The following CUX1 variants were observed in gnomAD, a reference collection of about 807,000 sequenced individuals.
The protein encoded by CUX1 is protein CASP.
In CUX1, 31 loss-of-function variants were observed where a neutral mutation model predicts 158.8. The ratio of observed to expected loss-of-function variants is 0.20; its 90% CI spans 0.15 to 0.26. CUX1 has a LOEUF of 0.26. Among genes scored for constraint, CUX1 ranks in the 10% least tolerant of loss-of-function variants. The pLI, the probability that CUX1 is intolerant of heterozygous loss-of-function variation, is 1.00. For missense variants in CUX1, 1,589 were observed against 2,014.6 expected, an observed-to-expected ratio of 0.79 and a Z score of 4.04; for synonymous variants, 879 against 862.1, an observed-to-expected ratio of 1.02 and a Z score of -0.34.
intron 8 of CUX1, among the ~76,000 whole-genome samples, chr7:102,146,612 T>C (rs1163295012): frequency 2.6e-5 from 4 of 152,176 alleles, no homozygotes; most frequent in Non-Finnish European, 1.5e-5. Flanking sequence ...TTCTTTCTTT[T>C]TTTTAAACAG....
intron 1 of CUX1, among the ~76,000 whole-genome samples, chr7:101,874,268 C>A (rs1798882915): frequency 6.6e-6 from 1 of 152,188 alleles, no homozygotes; most frequent in African/African-American, 2.4e-5. Context: ...ATATCCTGTG[C>A]TTCCTTGGTG....
chr7:101,981,326 T>G (rs566918807), intron 2 of CUX1, among the ~76,000 whole-genome samples: 1 of 152,318 alleles, frequency 6.6e-6, no homozygotes, highest in South Asian at 2.1e-4. Context: ...TTGCCTGAAT[T>G]CAAAAACATG....
intron 8 of CUX1, among the ~76,000 whole-genome samples, chr7:102,149,051 T>C (rs377608717): frequency 2.6e-4 from 40 of 152,238 alleles, no homozygotes; most frequent in East Asian, 1.7e-3. Flanking sequence ...ATAAGAAATA[T>C]TCAAAGGGTG....
At chr7:102,161,083 T>G (rs1204547886) in intron 9 of CUX1, 3 of 152,216 alleles carry the variant, frequency 2.0e-5, no homozygotes, top group Admixed American at 2.0e-4. Flanking sequence ...GCGCAGTGGC[T>G]CACACCTATA....
intron 14 of CUX1, among the ~76,000 whole-genome samples, chr7:102,195,953 C>T (rs1287422582): frequency 6.6e-6 from 1 of 152,180 alleles, no homozygotes; most frequent in African/African-American, 2.4e-5. Context: ...GTGAACCCAG[C>T]CTCGCTCTGG....
intron 1 of CUX1, among the ~76,000 whole-genome samples, chr7:101,847,193 TTTTCACCAAC>T (rs1795792025): frequency 6.6e-6 from 1 of 152,066 alleles, no homozygotes; most frequent in Non-Finnish European, 1.5e-5. Flanking sequence ...GAAGGTAGTA[TTTTCACCAAC>T]GCTGTAGCAA....
intron 1 of CUX1, among the ~76,000 whole-genome samples, chr7:101,901,332 C>T (rs549160750): frequency 4.6e-5 from 7 of 152,128 alleles, no homozygotes; most frequent in Admixed American, 2.0e-4. Flanking sequence ...CTTGCTTTGT[C>T]GCCCAGGTTA....
intron 2 of CUX1, among the ~76,000 whole-genome samples, chr7:101,988,809 C>T (rs1322672802): frequency 6.6e-6 from 1 of 151,884 alleles, no homozygotes; most frequent in Non-Finnish European, 1.5e-5. Flanking sequence ...GAGCCAGCCT[C>T]GGCAGCATAA....
intron 1 of CUX1, among the ~76,000 whole-genome samples, chr7:101,859,133 C>G (rs1403815991): frequency 6.6e-6 from 1 of 152,186 alleles, no homozygotes; most frequent in African/African-American, 2.4e-5. Flanking sequence ...GCCCTTGTCA[C>G]TAAAGGCACT....
intron 9 of CUX1, among the ~76,000 whole-genome samples, chr7:102,161,881 TACAGGCAAGAGCCACCGCGCCCAGCCG>T (rs1790462077): frequency 6.6e-6 from 1 of 152,168 alleles, no homozygotes; most frequent in Non-Finnish European, 1.5e-5. Flanking sequence ...GTGCTGGGGT[TACAGGCAAGAGCCACCGCGCCCAGCCG>T]GAAATTCCAT....
intron 2 of CUX1, chr7:101,961,460 G>T (rs1372763586): frequency 1.3e-5 from 2 of 152,170 alleles, no homozygotes; most frequent in Non-Finnish European, 2.9e-5. Context: ...TTCCCACATG[G>T]AGAGTTGCAG....
intron 2 of CUX1, among the ~76,000 whole-genome samples, chr7:101,923,253 G>C (rs919721671): frequency 6.6e-6 from 1 of 152,214 alleles, no homozygotes; most frequent in African/African-American, 2.4e-5. Context: ...TCTGCTATTT[G>C]AATGTGATGC....
intron 20 of CUX1, chr7:102,280,962 GC>G: frequency 9.3e-7 from 1 of 1,074,208 alleles, no homozygotes; most frequent in South Asian, 1.3e-5. Flanking sequence ...GGAGCCGCCA[GC>G]CCTGCCAAGA....
At chr7:102,005,105 C>T (rs1339557889) in intron 2 of CUX1, among the ~76,000 whole-genome samples, 3 of 152,128 alleles carry the variant, frequency 2.0e-5, no homozygotes, top group Non-Finnish European at 2.9e-5. Flanking sequence ...CACTCCTGCC[C>T]GTCATTCAGG....
At chr7:102,006,183 C>CTT (rs1239788351) in intron 2 of CUX1, among the ~76,000 whole-genome samples, 2 of 152,036 alleles carry the variant, frequency 1.3e-5, no homozygotes, top group Non-Finnish European at 2.9e-5. Flanking sequence ...AGAAAAAGAC[C>CTT]CGCGGGGTCC....
chr7:102,089,859 G>GT (rs1188894028), intron 4 of CUX1, among the ~76,000 whole-genome samples: 30 of 152,176 alleles, frequency 2.0e-4, no homozygotes, highest in Non-Finnish European at 3.8e-4. Context: ...CTCCGCTTGG[G>GT]TTTTTTTCTT....
At chr7:102,261,043 G>T (rs1026694437), downstream of CUX1, among the ~76,000 whole-genome samples, 6 of 152,264 alleles carry the variant, frequency 3.9e-5, no homozygotes, top group African/African-American at 1.2e-4. Flanking sequence ...ATGTTGCCCA[G>T]GCTCCCGGCC....
chr7:102,087,498 C>T (rs925250672), intron 4 of CUX1, among the ~76,000 whole-genome samples: 3 of 152,052 alleles, frequency 2.0e-5, no homozygotes, highest in African/African-American at 4.8e-5. Flanking sequence ...GAAAATCTCT[C>T]GAACCCGGGA....
At chr7:101,871,932 C>T (rs928469147) in intron 1 of CUX1, among the ~76,000 whole-genome samples, 4 of 151,360 alleles carry the variant, frequency 2.6e-5, no homozygotes, top group South Asian at 4.2e-4. Context: ...GCAGGAGAAT[C>T]GCTTGAACCC....
Sources: allele counts gnomAD v4.1 joint callset (sites outside exome capture counted in the v4.1 genomes callset), GRCh38; gene constraint gnomAD v4.1.1; transcripts MANE v1.5; gene names NCBI Gene and HGNC (gene_info 2026-07-23, HGNC 2026-07-21).